Variants in EFCAB3 observed in about 807,000 individuals in gnomAD.
The protein encoded by EFCAB3 is EF-hand calcium-binding domain-containing protein 3.
In EFCAB3, 36 loss-of-function variants were observed where a neutral mutation model predicts 42.2. The observed-to-expected ratio is 0.85, with a 90% confidence interval of 0.65 to 1.13. EFCAB3 has a LOEUF of 1.13. Among genes scored for constraint, EFCAB3 ranks in the 50% most tolerant of loss-of-function variants. EFCAB3 has a pLI of 0.00. For missense variants in EFCAB3, 418 were observed against 505.1 expected (o/e 0.83, Z 1.65); for synonymous variants, 170 against 172.8 (o/e 0.98, Z 0.13).
intron 3 of EFCAB3, among the ~76,000 whole-genome samples, chr17:62,390,716 G>C (rs1226076787): frequency 6.6e-6 from 1 of 152,132 alleles, no homozygotes; most frequent in Non-Finnish European, 1.5e-5. Flanking sequence ...CCCTAGAGAA[G>C]CCTACCTTTT....
intron 6 of EFCAB3, among the ~76,000 whole-genome samples, chr17:62,398,317 G>A (rs772621895): frequency 6.6e-6 from 1 of 151,986 alleles, no homozygotes; most frequent in African/African-American, 2.4e-5. Context: ...AACTGGGTGC[G>A]GTGCTGCGCA....
chr17:62,413,587 A>C, intron 8 of EFCAB3, 145 bp from the exon 9 acceptor site: 1 of 830,254 alleles, frequency 1.2e-6, no homozygotes, highest in Non-Finnish European at 1.7e-6. Flanking sequence ...AAAAAGTCTA[A>C]ACAAACAAAC....
At chr17:62,399,054 C>T (rs1397492699) in intron 6 of EFCAB3, among the ~76,000 whole-genome samples, 1 of 152,134 alleles carries the variant, frequency 6.6e-6, no homozygotes, top group Non-Finnish European at 1.5e-5. Context: ...AGCCTACTCA[C>T]AACACTCCCT....
In EFCAB3 at chr17:62,413,817, C is replaced by T. The variant is rs776800159; in HGVS notation, c.953C>T (p.Thr318Ile). 1 of 1,613,462 alleles carries T rather than the reference C, an allele frequency of 6.2e-7. No individual in the cohort carries two copies. Among genetic ancestry groups the T allele is most frequent in the Admixed American group, 1.7e-5 (1 of 59,908 alleles). ...GATCAAATGCTCAAGAAAAAGCAGA[C>T]TTGTACAGTGGCCGATGCAACTGCT... ...TIDQMLKKKQ[T>I]CTVADATAIK... The change falls in exon 9 of 10, where the codon ACT becomes ATT. Residue 318 changes from threonine to isoleucine, a missense_variant. Thr to Ile is a moderately conservative substitution (Grantham distance 89). Coordinates refer to ENST00000305286, the MANE Select transcript of EFCAB3 (RefSeq NM_173503.4).
intron 9 of EFCAB3, among the ~76,000 whole-genome samples, chr17:62,415,175 T>C (rs1320026829): frequency 6.6e-6 from 1 of 152,010 alleles, no homozygotes; most frequent in East Asian, 1.9e-4. Context: ...TCCATCCCCA[T>C]TACCACTGCC....
chr17:62,371,440 C>G (rs1287760400), intron 1 of EFCAB3, among the ~76,000 whole-genome samples: 3 of 152,026 alleles, frequency 2.0e-5, no homozygotes, highest in Non-Finnish European at 4.4e-5. Context: ...CGTCTGTAAT[C>G]CCAGGTACTC....
upstream of EFCAB3, among the ~76,000 whole-genome samples, chr17:62,376,115 T>C (rs1269575572): frequency 6.6e-6 from 1 of 152,220 alleles, no homozygotes; most frequent in East Asian, 1.9e-4. Context: ...TTCATATTTT[T>C]AGAAATTTCA....
At chr17:62,388,785 G>C (rs9896974) in intron 3 of EFCAB3, among the ~76,000 whole-genome samples, 17,367 of 152,186 alleles carry the variant, frequency 0.11, 1,239 homozygotes, top group South Asian at 0.25. Flanking sequence ...ATTTCGGTTT[G>C]GAAAACACAA....
At chr17:62,415,487 C>G (rs898446147) in intron 9 of EFCAB3, among the ~76,000 whole-genome samples, 3 of 152,160 alleles carry the variant, frequency 2.0e-5, no homozygotes, top group Non-Finnish European at 4.4e-5. Context: ...ATTCCTCCCA[C>G]TTTAAACTTG....
intron 2 of EFCAB3, chr17:62,374,002 A>C (rs2070132492): frequency 2.1e-6 from 1 of 481,988 alleles, no homozygotes; most frequent in Non-Finnish European, 3.6e-6. Context: ...TGAAAAGATG[A>C]AAAAAGGAAA....
intron 8 of EFCAB3, among the ~76,000 whole-genome samples, chr17:62,408,149 G>T (rs1380111761): frequency 2.6e-5 from 4 of 152,044 alleles, no homozygotes; most frequent in Non-Finnish European, 2.9e-5. Flanking sequence ...TCTCCAACTA[G>T]AATATAACAT....
chr17:62,396,055 T>C (rs1362893), intron 6 of EFCAB3, among the ~76,000 whole-genome samples: 9,546 of 152,270 alleles, frequency 0.063, 445 homozygotes, highest in South Asian at 0.24. Flanking sequence ...GGTACACAAA[T>C]TCAACACATT....
At chr17:62,392,797 C>A (rs1248243229) in intron 4 of EFCAB3, among the ~76,000 whole-genome samples, 1 of 152,028 alleles carries the variant, frequency 6.6e-6, no homozygotes, top group Non-Finnish European at 1.5e-5. Flanking sequence ...GCCACCATGC[C>A]CGGCTAATTT....
At chr17:62,377,909 G>A, upstream of EFCAB3, 1 of 1,377,566 alleles carries the variant, frequency 7.3e-7, no homozygotes, top group Non-Finnish European at 1.0e-6. Context: ...TGCCCTCCTA[G>A]TCTACTTTCC....
Position 62,396,695 on chromosome 17 carries a change from C to A in EFCAB3, c.488+1507C>A, listed in dbSNP as rs561803876. ...ATGACTTAAGGCCAGAAGCTCCATA[C>A]CAGCTGGGCAATATAGCAAGACCCT... On this transcript the variant is annotated intron_variant, in intron 6 of 9. Coordinates refer to ENST00000305286, the MANE Select transcript of EFCAB3 (RefSeq NM_173503.4). Among the ~76,000 whole-genome samples the A allele has an allele frequency of 1.9e-4, 29 of 152,108 alleles. No individual in the cohort carries two copies. The South Asian group carries it at 6.0e-3, about 32-fold the overall frequency.
At chr17:62,414,643 A>G (rs1001336887) in intron 9 of EFCAB3, among the ~76,000 whole-genome samples, 19 of 151,940 alleles carry the variant, frequency 1.3e-4, no homozygotes, top group Non-Finnish European at 2.4e-4. Context: ...TTTTAGATCC[A>G]CGGGGTACAT....
intron 6 of EFCAB3, among the ~76,000 whole-genome samples, chr17:62,399,680 C>T (rs561442684): frequency 6.6e-6 from 1 of 152,208 alleles, no homozygotes; most frequent in African/African-American, 2.4e-5. Context: ...ACTCACTCAA[C>T]TCACTCTCAC....
At chr17:62,375,888 T>A (rs2144047225), upstream of EFCAB3, among the ~76,000 whole-genome samples, 1 of 152,252 alleles carries the variant, frequency 6.6e-6, no homozygotes, top group African/African-American at 2.4e-5. Flanking sequence ...AAAAATATAT[T>A]TTTTTCTTTT....
At chr17:62,390,858 G>T (rs1310490713) in intron 3 of EFCAB3, among the ~76,000 whole-genome samples, 1 of 152,040 alleles carries the variant, frequency 6.6e-6, no homozygotes, top group Non-Finnish European at 1.5e-5. Context: ...GTTTTATTCG[G>T]GTGTCATTTG....
Sources: gnomAD v4.1 joint callset for allele counts (sites outside exome capture counted in the v4.1 genomes callset) on GRCh38, gnomAD v4.1.1 for gene constraint, MANE v1.5 for transcripts, NCBI Gene and HGNC (gene_info 2026-07-23, HGNC 2026-07-21) for gene names.